NAB1: variants seen among roughly 807,000 people sequenced by gnomAD.
NAB1 encodes the protein NGFI-A binding protein 1, also known as NGFI-A-binding protein 1.
A neutral mutation model predicts 49.9 loss-of-function variants in NAB1; 25 were observed. The ratio of observed to expected loss-of-function variants is 0.50; its 90% CI spans 0.37 to 0.70. The LOEUF (loss-of-function observed/expected upper bound fraction) is 0.70, where lower values mean the gene tolerates loss of function less well. Among genes scored for constraint, NAB1 ranks in the 30% least tolerant of loss-of-function variants. The pLI, the probability that NAB1 is intolerant of heterozygous loss-of-function variation, is 0.00. For synonymous variants in NAB1, 198 were observed against 215.6 expected (o/e 0.92, Z 0.71); for missense variants, 489 against 575.9 (o/e 0.85, Z 1.54).
chr2:190,677,596 A>G lies in NAB1; in HGVS notation c.1005+4444A>G, dbSNP rs1046686133. ...AATTAAATCTTCTCATTCTGGGGCA[A>G]TTGTAAAAATCGCTACTTTGTATTG... On this transcript the variant is annotated intron_variant, in intron 6 of 9. Coordinates refer to ENST00000337386, the MANE Select transcript of NAB1 (RefSeq NM_005966.4). The surrounding 1 kb of genome is among the most constrained non-coding windows in gnomAD (Gnocchi z 5.6). 8 of 152,308 alleles carry G rather than the reference A, an allele frequency of 5.3e-5. No individual in the cohort carries two copies. The highest frequency in any genetic ancestry group is 1.3e-4 in the Admixed American group (2 of 15,304). The allele number at this position is 152,308 out of a possible 1,614,324, so 9.4% of individuals were successfully genotyped here.
rs1432138231 is a variant in NAB1 at position 190,679,982 on chromosome 2, T to C, written c.1006-3756T>C. ...AGCTCAACCGAATTCATCAGTGTTC[T>C]GGCCCCTCCCAGACCTCGTGATCTT... On this transcript the variant is annotated intron_variant, in intron 6 of 9. Coordinates refer to ENST00000337386, the MANE Select transcript of NAB1 (RefSeq NM_005966.4). The surrounding 1 kb of genome is among the most constrained non-coding windows in gnomAD (Gnocchi z 5.3). Among the ~76,000 whole-genome samples, 1 of 152,212 alleles carries C rather than the reference T, an allele frequency of 6.6e-6. No homozygotes were observed. Among genetic ancestry groups the C allele is most frequent in the Non-Finnish European group, 1.5e-5 (1 of 68,030 alleles).
In NAB1 at chr2:190,691,605, A is replaced by G. The variant is rs548932748; in HGVS notation, c.*1272A>G. The G allele has an allele frequency of 6.6e-6, 1 of 152,262 alleles. No homozygotes were observed. Among genetic ancestry groups the G allele is most frequent in the South Asian group, 2.1e-4 (1 of 4,834 alleles). 9.4% of individuals were successfully genotyped at this position (152,262 alleles called of 1,614,324 possible). A position where few individuals can be genotyped will look rare whatever the true frequency, so the allele number is the denominator to read the frequency against. On this transcript the variant is annotated 3_prime_UTR_variant, in exon 10 of 10. Transcript: ENST00000337386. This position sits in a 1 kb window ranked among gnomAD's most constrained non-coding sequence, Gnocchi z 4.1. The stretch of plus-strand genomic sequence containing the variant: ...ACTTGCATACTTATGAGAATTTCAC[A>G]TTGGAATTCATAATGGTAAAACAAC...
rs766234263 is a variant in NAB1, at chr2:190,670,340, AG to A, written c.835del (p.Ala279ArgfsTer7). On this transcript the variant is annotated frameshift_variant, in exon 5 of 10. Coordinates refer to ENST00000337386, the MANE Select transcript of NAB1 (RefSeq NM_005966.4). LOFTEE classifies it high-confidence loss of function. This position sits in a 1 kb window ranked among gnomAD's most constrained non-coding sequence, Gnocchi z 5.3. ...LTLHELTVNE[A>X]AAQLCVKDNA... ...TGGATATCCAGCTCACTGTTAATGA[AG>A]CGGCTGCTCAACTCTGTGTGAAGGA... 1 of 1,611,256 alleles carries A rather than the reference AG, an allele frequency of 6.2e-7. No individual in the cohort carries two copies.
At position 190,679,918 on chromosome 2, in the gene NAB1, A is replaced by G. The variant is rs1186980749; in HGVS notation, c.1006-3820A>G. 6.6e-6 allele frequency among the ~76,000 whole-genome samples: 1 copy of G among 152,174 alleles called. No individual in the cohort carries two copies. The highest frequency in any genetic ancestry group is 1.9e-4 in the East Asian group (1 of 5,188). ...AGCTCCAAACTCACTGCCCCTGCTT[A>G]CCTGGCTTATCTACACACGGAGGTC... On this transcript the variant is annotated intron_variant, in intron 6 of 9. Coordinates refer to ENST00000337386, the MANE Select transcript of NAB1 (RefSeq NM_005966.4). This position sits in a 1 kb window ranked among gnomAD's most constrained non-coding sequence, Gnocchi z 5.3.
intron 5 of NAB1, among the ~76,000 whole-genome samples, chr2:190,671,290 A>G (rs1298299215): frequency 6.6e-6 from 1 of 152,200 alleles, no homozygotes; most frequent in African/African-American, 2.4e-5. Flanking sequence ...CAAGCATCCC[A>G]GAGCATTCTT....
Position 190,678,363 on chromosome 2 carries a change from C to T in NAB1, c.1005+5211C>T, listed in dbSNP as rs1695172632. Among the ~76,000 whole-genome samples, 1 of 152,202 alleles carries T rather than the reference C, an allele frequency of 6.6e-6. No homozygotes were observed. The highest frequency in any genetic ancestry group is 1.5e-5 in the Non-Finnish European group (1 of 68,038). On this transcript the variant is annotated intron_variant, in intron 6 of 9. Transcript: ENST00000337386. The surrounding 1 kb of genome is among the most constrained non-coding windows in gnomAD (Gnocchi z 4.9). ...GTTCCATGAACAAATTTGTTATTAACTCCAATGTTATAAGTAACATCTTAG... is the reference window on the plus strand; with the variant it reads ...GTTCCATGAACAAATTTGTTATTAATTCCAATGTTATAAGTAACATCTTAG...
chr2:190,666,621 A>C lies in NAB1; in HGVS notation c.820-3705A>C, dbSNP rs1694532444. 6.6e-6 allele frequency among the ~76,000 whole-genome samples: 1 copy of C among 152,156 alleles called. No homozygotes were observed. Among genetic ancestry groups the C allele is most frequent in the Non-Finnish European group, 1.5e-5 (1 of 68,034 alleles). ...TAACTTGGGAGGCTGAGACAGGAGA[A>C]TCGCTTGAACCCGGGGCGCTGAGGT... On this transcript the variant is annotated intron_variant, in intron 4 of 9. Transcript: ENST00000337386. The surrounding 1 kb of genome is among the most constrained non-coding windows in gnomAD (Gnocchi z 5.6).
At position 190,679,797 on chromosome 2, in the gene NAB1, G is replaced by A. The variant is rs1695240980; in HGVS notation, c.1006-3941G>A. On this transcript the variant is annotated intron_variant, in intron 6 of 9. Transcript: ENST00000337386. The surrounding 1 kb of genome is among the most constrained non-coding windows in gnomAD (Gnocchi z 5.3). Reference sequence around the variant, plus strand: ...CTTCCAGAAACAGTATTGAGGCATTGGGGCTCATGGGGATTCTGATTGGTG... The same window carrying A: ...CTTCCAGAAACAGTATTGAGGCATTAGGGCTCATGGGGATTCTGATTGGTG... Among the ~76,000 whole-genome samples, 1 of 152,148 alleles carries A rather than the reference G, an allele frequency of 6.6e-6. No homozygotes were observed. The highest frequency in any genetic ancestry group is 2.4e-5 in the African/African-American group (1 of 41,414).
rs1694980419 is a variant in NAB1 at position 190,674,570 on chromosome 2, C to G, written c.1005+1418C>G. On this transcript the variant is annotated intron_variant, in intron 6 of 9. Transcript: ENST00000337386. The surrounding 1 kb of genome is among the most constrained non-coding windows in gnomAD (Gnocchi z 5.7). ...CATTAGATGAGAATAGGTCTCTTAT[C>G]TGTGAATCTGCTGCTGTATACTTAG... Among the ~76,000 whole-genome samples the G allele has an allele frequency of 6.6e-6, 1 of 152,182 alleles. No individual in the cohort carries two copies. The highest frequency in any genetic ancestry group is 1.5e-5 in the Non-Finnish European group (1 of 68,034).
chr2:190,652,769 C>A lies in NAB1; in HGVS notation c.-197+2787C>A, dbSNP rs368723004. Among the ~76,000 whole-genome samples the A allele has an allele frequency of 2.9e-4, 44 of 151,720 alleles. No individual in the cohort carries two copies. Among genetic ancestry groups the A allele is most frequent in the African/African-American group, 1.0e-3 (43 of 41,512 alleles). The stretch of plus-strand genomic sequence containing the variant: ...AATCACTGGAAGCTTGAAACACATA[C>A]ATGGGAGTTAGTACCTAGGCCAACC... On this transcript the variant is annotated intron_variant, in intron 2 of 9. Transcript: ENST00000337386. This position sits in a 1 kb window ranked among gnomAD's most constrained non-coding sequence, Gnocchi z 4.2.
Position 190,670,359 on chromosome 2 carries a change from G to C in NAB1, c.853G>C (p.Val285Leu). The C allele has an allele frequency of 6.2e-7, 1 of 1,613,976 alleles. No individual in the cohort carries two copies. The highest frequency in any genetic ancestry group is 8.5e-7 in the Non-Finnish European group (1 of 1,179,912). The change falls in exon 5 of 10, where the codon GTG (valine) becomes CTG (leucine). Residue 285 changes from valine (V) to leucine (L), a missense_variant. Physicochemically the swap from Val to Leu is conservative, Grantham distance 32 (BLOSUM62 1). Coordinates refer to ENST00000337386, the MANE Select transcript of NAB1 (RefSeq NM_005966.4). The surrounding 1 kb of genome is among the most constrained non-coding windows in gnomAD (Gnocchi z 5.3). ...TVNEAAAQLC[V>L]KDNALLTRRD... ...TAATGAAGCGGCTGCTCAACTCTGT[G>C]TGAAGGATAATGCCCTGCTGACAAG... is the stretch of plus-strand genomic sequence containing the variant.
rs1390966298 is a variant in NAB1, at chr2:190,676,936, A to T, written c.1005+3784A>T. 4 of 152,246 alleles carry T rather than the reference A, an allele frequency of 2.6e-5. No homozygotes were observed. Among genetic ancestry groups the T allele is most frequent in the African/African-American group, 4.8e-5 (2 of 41,458 alleles). 9.4% of individuals were successfully genotyped at this position (152,246 alleles called of 1,614,324 possible). The stretch of plus-strand genomic sequence containing the variant: ...AATGTTGAGCAGATAAAATAAAATA[A>T]CATCAAAATAATTTGACATGTAAAG... On this transcript the variant is annotated intron_variant, in intron 6 of 9. Coordinates refer to ENST00000337386, the MANE Select transcript of NAB1 (RefSeq NM_005966.4). This position sits in a 1 kb window ranked among gnomAD's most constrained non-coding sequence, Gnocchi z 4.6.
intron 4 of NAB1, among the ~76,000 whole-genome samples, chr2:190,664,586 CTTTTTTTTTTTTTTT>C (rs71027237): frequency 3.3e-5 from 2 of 61,092 alleles, no homozygotes; most frequent in African/African-American, 1.3e-4. Context: ...TTCTTCTTTC[CTTTTTTTTTTTTTTT>C]TTTTTTTTTT....
At position 190,670,590 on chromosome 2, in the gene NAB1, A is replaced by G; in HGVS notation, c.953+131A>G. On this transcript the variant is annotated intron_variant, in intron 5 of 9. Transcript: ENST00000337386. The surrounding 1 kb of genome is among the most constrained non-coding windows in gnomAD (Gnocchi z 5.3). ...TGATTATTGTTCTATGAAACTAAAC[A>G]ATGCAGTGATTTTGAAAACATTGCC... 1 of 989,242 alleles carries G rather than the reference A, an allele frequency of 1.0e-6. No individual in the cohort carries two copies. Among genetic ancestry groups the G allele is most frequent in the Non-Finnish European group, 1.5e-6 (1 of 686,390 alleles). The allele number at this position is 989,242 out of a possible 1,614,324, so 61.3% of individuals were successfully genotyped here.
intron 6 of NAB1, among the ~76,000 whole-genome samples, chr2:190,673,842 A>G (rs1364924585): frequency 6.6e-6 from 1 of 152,196 alleles, no homozygotes; most frequent in Non-Finnish European, 1.5e-5. Context: ...TCTCCGAACT[A>G]TAGAATGGTT....
chr2:190,689,108 G>A lies in NAB1; in HGVS notation c.1376-1137G>A, dbSNP rs1394679519. ...CACAAAGTGCTGGGATTACAGGTGT[G>A]AGCCACTGTGCCCGGCCACCTTATT... On this transcript the variant is annotated intron_variant, in intron 9 of 9. Coordinates refer to ENST00000337386, the MANE Select transcript of NAB1 (RefSeq NM_005966.4). This position sits in a 1 kb window ranked among gnomAD's most constrained non-coding sequence, Gnocchi z 4.3. Among the ~76,000 whole-genome samples, 1 of 152,152 alleles carries A rather than the reference G, an allele frequency of 6.6e-6. No homozygotes were observed. The highest frequency in any genetic ancestry group is 1.5e-5 in the Non-Finnish European group (1 of 68,032).
In NAB1 at chr2:190,670,842, G is replaced by T. The variant is rs536718462; in HGVS notation, c.953+383G>T. On this transcript the variant is annotated intron_variant, in intron 5 of 9. Transcript: ENST00000337386. This position sits in a 1 kb window ranked among gnomAD's most constrained non-coding sequence, Gnocchi z 5.3. ...CTGAGGAAATAGAATGGTCCTTTTT[G>T]CAAGGTGTTTGAATCTGATGAGATT... Among the ~76,000 whole-genome samples the T allele has an allele frequency of 5.1e-4, 77 of 152,252 alleles. 1 individual carries two copies. Among genetic ancestry groups the T allele is most frequent in the Admixed American group, 2.7e-3 (42 of 15,292 alleles).
Position 190,657,779 on chromosome 2 carries a change from G to A in NAB1, c.-19-1379G>A, listed in dbSNP as rs190141564. ...AATTTTGTGTAGCATTCTGATTGGT[G>A]GCATAAAACAAAAGTCCCAAGTTCA... On this transcript the variant is annotated intron_variant, in intron 3 of 9. Transcript: ENST00000337386. The surrounding 1 kb of genome is among the most constrained non-coding windows in gnomAD (Gnocchi z 4.4). Among the ~76,000 whole-genome samples, 26 of 152,272 alleles carry A rather than the reference G, an allele frequency of 1.7e-4. No individual in the cohort carries two copies. The East Asian group carries it at 5.0e-3, about 29-fold the overall frequency.
At position 190,651,917 on chromosome 2, in the gene NAB1, T is replaced by C. The variant is rs138948938; in HGVS notation, c.-197+1935T>C. Among the ~76,000 whole-genome samples, 579 of 152,356 alleles carry C rather than the reference T, an allele frequency of 3.8e-3. 7 individuals carry two copies. The highest frequency in any genetic ancestry group is 0.014 in the Middle Eastern group (4 of 294). ...ATATTATAGCATAAATAATACCCAC[T>C]TGAGCATAATAGAAGATTGCTAGAC... On this transcript the variant is annotated intron_variant, in intron 2 of 9. Coordinates refer to ENST00000337386, the MANE Select transcript of NAB1 (RefSeq NM_005966.4). This position sits in a 1 kb window ranked among gnomAD's most constrained non-coding sequence, Gnocchi z 4.3.
Sources: allele counts gnomAD v4.1 joint callset (sites outside exome capture counted in the v4.1 genomes callset), GRCh38; gene constraint gnomAD v4.1.1; non-coding constraint Gnocchi (gnomAD v3.1); transcripts MANE v1.5; gene names NCBI Gene and HGNC (gene_info 2026-07-23, HGNC 2026-07-21).